Variants in ACO2 observed in about 807,000 individuals in gnomAD.
The protein encoded by ACO2 is aconitase 2.
Under a neutral mutation model 84.5 loss-of-function variants are expected in ACO2, and 31 were observed. The ratio of observed to expected loss-of-function variants is 0.37; its 90% CI spans 0.28 to 0.50. The LOEUF (loss-of-function observed/expected upper bound fraction) is 0.50, where lower values mean the gene tolerates loss of function less well. Among genes scored for constraint, ACO2 ranks in the 20% least tolerant of loss-of-function variants. ACO2 has a pLI of 0.97. For synonymous variants in ACO2, 414 were observed against 412.7 expected, an observed-to-expected ratio of 1.00 and a Z score of -0.04; for missense variants, 685 against 1,029.3, an observed-to-expected ratio of 0.67 and a Z score of 4.58.
intron 2 of ACO2, among the ~76,000 whole-genome samples, chr22:41,504,710 ACTTTTTT>A (rs2066379941): frequency 2.8e-5 from 1 of 35,360 alleles, no homozygotes; most frequent in African/African-American, 3.3e-4. Flanking sequence ...CACCTTAGGG[ACTTTTTT>A]TTTTTTTTTT....
At chr22:41,499,998 TCTG>T in intron 2 of ACO2, 136 bp downstream of exon 2, 1 of 1,163,124 alleles carries the variant, frequency 8.6e-7, no homozygotes, top group South Asian at 1.4e-5. Flanking sequence ...TACAAAGGTT[TCTG>T]CTGAGGAAAG....
intron 1 of ACO2, among the ~76,000 whole-genome samples, chr22:41,474,289 ATT>A (rs755814518): frequency 0.035 from 4,176 of 118,980 alleles, 152 homozygotes; most frequent in African/African-American, 0.13. Context: ...GTTTGCAGTC[ATT>A]TTTTTTTTTT....
intron 1 of ACO2, among the ~76,000 whole-genome samples, chr22:41,471,532 C>CA (rs2037946336): frequency 6.6e-6 from 1 of 152,138 alleles, no homozygotes; most frequent in African/African-American, 2.4e-5. Context: ...ACTGAGCGCC[C>CA]AATGCTTGTT....
Position 41,528,666 on chromosome 22 carries a change from C to G in ACO2, c.*53C>G. ...GCGTCAAGTTCAGCTCCACGTGTGC[C>G]ATCAGTGGATCCGATCCGTCCAGCC... On this transcript the variant is annotated 3_prime_UTR_variant, in exon 18 of 18. Transcript: ENST00000216254. 6.3e-7 allele frequency: 1 copy of G among 1,599,014 alleles called. No homozygotes were observed. The highest frequency in any genetic ancestry group is 1.1e-5 in the South Asian group (1 of 89,578).
chr22:41,517,333 C>T, intron 6 of ACO2, 194 bp from the exon 7 acceptor site: 1 of 568,742 alleles, frequency 1.8e-6, no homozygotes, highest in East Asian at 3.1e-5. Context: ...CTCTGATCCC[C>T]ATGGCCTCCC....
chr22:41,510,278 C>G (rs1162244740), intron 3 of ACO2, among the ~76,000 whole-genome samples: 1 of 152,180 alleles, frequency 6.6e-6, no homozygotes, highest in East Asian at 1.9e-4. Context: ...TGGGGTCCTC[C>G]CACACCCCTT....
At chr22:41,504,611 C>T (rs949953905) in intron 2 of ACO2, among the ~76,000 whole-genome samples, 1 of 150,522 alleles carries the variant, frequency 6.6e-6, no homozygotes, top group Non-Finnish European at 1.5e-5. Flanking sequence ...CTGCCGCAAT[C>T]GGCGCAGGCT....
intron 1 of ACO2, among the ~76,000 whole-genome samples, chr22:41,497,400 C>A (rs1022780907): frequency 1.3e-5 from 2 of 151,120 alleles, no homozygotes; most frequent in Non-Finnish European, 2.9e-5. Context: ...TTCATTTATT[C>A]TTCTCTGGTA....
intron 1 of ACO2, among the ~76,000 whole-genome samples, chr22:41,484,920 G>C (rs1432406393): frequency 1.3e-5 from 2 of 148,606 alleles, no homozygotes; most frequent in Non-Finnish European, 3.0e-5. Flanking sequence ...TGTTGCCCAG[G>C]CTGGAGTGCA....
At position 41,475,837 on chromosome 22, in the gene ACO2, G is replaced by C. The variant is rs140235726; in HGVS notation, c.36+6655G>C. On this transcript the variant is annotated intron_variant, in intron 1 of 17. Transcript: ENST00000216254. The stretch of plus-strand genomic sequence containing the variant: ...CAGCTGAACCCAGGAGGTGGAGGTT[G>C]CAGTGAGCCGAGATCGCGCCACTGC... Among the ~76,000 whole-genome samples, 1,448 of 151,186 alleles carry C rather than the reference G, an allele frequency of 9.6e-3. 26 individuals are homozygous for C. Among genetic ancestry groups the C allele is most frequent in the African/African-American group, 0.033 (1,363 of 41,156 alleles).
chr22:41,470,028 C>T (rs1213375606), intron 1 of ACO2, among the ~76,000 whole-genome samples: 4 of 152,148 alleles, frequency 2.6e-5, no homozygotes, highest in Non-Finnish European at 5.9e-5. Context: ...ATATTTTGAG[C>T]CTCACAATAA....
At chr22:41,519,848 G>T (rs771730418) in intron 8 of ACO2, among the ~76,000 whole-genome samples, 1 of 152,060 alleles carries the variant, frequency 6.6e-6, no homozygotes, top group East Asian at 1.9e-4. Flanking sequence ...TCGAATGGGA[G>T]ATAATGAACT....
At chr22:41,485,566 G>T (rs1038229079) in intron 1 of ACO2, among the ~76,000 whole-genome samples, 1 of 150,242 alleles carries the variant, frequency 6.7e-6, no homozygotes, top group African/African-American at 2.5e-5. Context: ...TCAGCCTCTC[G>T]AGTAGCTGGG....
At position 41,515,397 on chromosome 22, in the gene ACO2, G is replaced by C. The variant is rs561001165; in HGVS notation, c.546G>C (p.Ala182=). ...TTCAGATTATTCTGGAAAACTATGC[G>C]TACCCTGGTGTTCTTCTGATTGGCA... is the stretch of plus-strand genomic sequence containing the variant. ...IIHQIILENY[A]YPGVLLIGTD... The change falls in exon 5 of 18, where the codon GCG becomes GCC. Residue 182 remains alanine (A), a synonymous_variant. Transcript: ENST00000216254. This position sits in a 1 kb window ranked among gnomAD's most constrained non-coding sequence, Gnocchi z 5.8. The C allele has an allele frequency of 6.2e-6, 10 of 1,612,882 alleles. No homozygotes were observed. Among genetic ancestry groups the C allele is most frequent in the South Asian group, 3.3e-5 (3 of 91,016 alleles).
At chr22:41,499,925 G>T in intron 2 of ACO2, 63 bp downstream of exon 2, 1 of 1,591,032 alleles carries the variant, frequency 6.3e-7, no homozygotes, top group African/African-American at 1.3e-5. Context: ...TGCCCGTCAG[G>T]CAGAGAAGGA....
chr22:41,523,366 GAA>G (rs1188329474), intron 11 of ACO2, 88 bp downstream of exon 11: 2 of 1,061,094 alleles, frequency 1.9e-6, no homozygotes, highest in African/African-American at 1.6e-5. Flanking sequence ...GGGGTGGAGA[GAA>G]GAGACTCCAG....
At position 41,481,565 on chromosome 22, in the gene ACO2, C is replaced by T. The variant is rs927353349; in HGVS notation, c.36+12383C>T. On this transcript the variant is annotated intron_variant, in intron 1 of 17. Coordinates refer to ENST00000216254, the MANE Select transcript of ACO2 (RefSeq NM_001098.3). The stretch of plus-strand genomic sequence containing the variant: ...ACAACTGGTCCCAAGGGAAGACCTC[C>T]GACCTCCGTCCTTTGGGAAGAGAGG... Among the ~76,000 whole-genome samples, 39 of 152,224 alleles carry T rather than the reference C, an allele frequency of 2.6e-4. 1 individual carries two copies. The highest frequency in any genetic ancestry group is 1.9e-4 in the Non-Finnish European group (13 of 68,046).
intron 2 of ACO2, among the ~76,000 whole-genome samples, chr22:41,501,153 G>A (rs2066351142): frequency 6.6e-6 from 1 of 152,110 alleles, no homozygotes; most frequent in Non-Finnish European, 1.5e-5. Flanking sequence ...ACAGGCGTGA[G>A]CCACCATGCT....
rs1474191289 is a variant in ACO2 at position 41,528,594 on chromosome 22, T to A, written c.2324T>A (p.Met775Lys). The change falls in exon 18 of 18, where the codon ATG becomes AAG. Residue 775 changes from methionine to lysine, a missense_variant. Transcript: ENST00000216254. ...WFRAGSALNR[M>K]KELQQ ...CGCGCTGGCAGTGCCCTCAACAGAA[T>A]GAAGGAACTGCAACAGTGAGGGCAG... The A allele has an allele frequency of 6.2e-7, 1 of 1,611,570 alleles. No individual in the cohort carries two copies. Among genetic ancestry groups the A allele is most frequent in the East Asian group, 2.2e-5 (1 of 44,864 alleles).
Sources: gnomAD v4.1 joint callset for allele counts (sites outside exome capture counted in the v4.1 genomes callset) on GRCh38, gnomAD v4.1.1 for gene constraint, Gnocchi (gnomAD v3.1) non-coding constraint, MANE v1.5 for transcripts, NCBI Gene and HGNC (gene_info 2026-07-23, HGNC 2026-07-21) for gene names.